WDFY3: variants seen among roughly 807,000 people sequenced by gnomAD.
WDFY3 encodes the protein WD repeat and FYVE domain containing 3, also known as WD repeat and FYVE domain-containing protein 3.
Under a neutral mutation model 409.6 loss-of-function variants are expected in WDFY3, and 66 were observed. The ratio of observed to expected loss-of-function variants is 0.16; its 90% CI spans 0.13 to 0.20. The LOEUF is 0.20. WDFY3 is among the 10% of genes least tolerant of loss of function. WDFY3 has a pLI of 1.00. For synonymous variants in WDFY3, 1,521 were observed against 1,537.1 expected (o/e 0.99, Z 0.25); for missense variants, 3,031 against 4,298.1 (o/e 0.71, Z 8.24).
chr4:84,779,515 C>A (rs1047317220), intron 26 of WDFY3, among the ~76,000 whole-genome samples: 11 of 151,876 alleles, frequency 7.2e-5, no homozygotes, highest in African/African-American at 2.7e-4. Context: ...CAGGTTCAAG[C>A]GATTCTCCTG....
chr4:84,712,719 CA>C (rs1407112248), intron 51 of WDFY3, among the ~76,000 whole-genome samples: 2 of 151,590 alleles, frequency 1.3e-5, no homozygotes, highest in East Asian at 3.9e-4. Flanking sequence ...CATCTCTTAA[CA>C]ATAATTAAAA....
chr4:84,957,198 G>C (rs1579288416), intron 1 of WDFY3, among the ~76,000 whole-genome samples: 1 of 147,554 alleles, frequency 6.8e-6, no homozygotes, highest in Admixed American at 6.8e-5. Context: ...AGTTTAGTTG[G>C]TCAAAATATA....
rs1750610736 is a variant in WDFY3 at position 84,801,768 on chromosome 4, C to T, written c.2704G>A (p.Ala902Thr). ...GCACTGCACCTCTGCAGCAGTCGTG[C>T]ATGAAGACCAGCTTCACACATGACT... ...QQVMCEAGLH[A>T]RLLQRCSAAL... Residue 902 changes from alanine (A) to threonine (T), a missense_variant, in exon 17 of 68, where the codon GCA (alanine) becomes ACA (threonine). Coordinates refer to ENST00000295888, the MANE Select transcript of WDFY3 (RefSeq NM_014991.6). 3 of 1,614,098 alleles carry T rather than the reference C, an allele frequency of 1.9e-6. No homozygotes were observed. In the East Asian group the frequency reaches 6.7e-5, roughly 36 times the overall value.
At chr4:84,938,025 G>A (rs1188992822) in intron 1 of WDFY3, among the ~76,000 whole-genome samples, 2 of 151,992 alleles carry the variant, frequency 1.3e-5, no homozygotes, top group African/African-American at 4.8e-5. Flanking sequence ...AGTAAAATAA[G>A]GGTTATTTGG....
intron 18 of WDFY3, 124 bp from the exon 19 acceptor site, chr4:84,796,876 G>C: frequency 1.4e-6 from 1 of 723,084 alleles, no homozygotes; most frequent in South Asian, 2.0e-5. Flanking sequence ...TAAGTGCCAA[G>C]ATCATTATCC....
At chr4:84,871,717 C>G (rs1162519714) in intron 3 of WDFY3, among the ~76,000 whole-genome samples, 4 of 151,958 alleles carry the variant, frequency 2.6e-5, no homozygotes, top group Non-Finnish European at 5.9e-5. Context: ...CCACTGCAGC[C>G]TCAAACTCCC....
At chr4:84,775,519 GA>G (rs1253978059) in intron 27 of WDFY3, among the ~76,000 whole-genome samples, 1 of 150,904 alleles carries the variant, frequency 6.6e-6, no homozygotes, top group African/African-American at 2.4e-5. Flanking sequence ...AGATACTTCC[GA>G]AAAAAAATTC....
intron 12 of WDFY3, 30 bp downstream of exon 12, chr4:84,820,055 A>T: frequency 6.4e-7 from 1 of 1,564,248 alleles, no homozygotes; most frequent in Non-Finnish European, 8.7e-7. Context: ...GTAATCTCCC[A>T]AAGTATTTGC....
intron 44 of WDFY3, among the ~76,000 whole-genome samples, chr4:84,730,705 C>A (rs997510390): frequency 6.6e-6 from 1 of 152,018 alleles, no homozygotes; most frequent in Admixed American, 6.6e-5. Flanking sequence ...AATCTTTTTG[C>A]TTCCTAGGCC....
intron 1 of WDFY3, among the ~76,000 whole-genome samples, chr4:84,955,425 T>C (rs902904032): frequency 5.3e-5 from 8 of 152,206 alleles, no homozygotes; most frequent in Non-Finnish European, 1.2e-4. Flanking sequence ...AAACATACCC[T>C]GGGCCTGCTG....
intron 1 of WDFY3, among the ~76,000 whole-genome samples, chr4:84,964,953 T>C (rs961672624): frequency 6.6e-6 from 1 of 152,236 alleles, no homozygotes; most frequent in Non-Finnish European, 1.5e-5. Flanking sequence ...TCAAATATCA[T>C]AGGAAGAGTT....
chr4:84,957,091 T>C (rs1349696942), intron 1 of WDFY3, among the ~76,000 whole-genome samples: 1 of 151,576 alleles, frequency 6.6e-6, no homozygotes, highest in Admixed American at 6.6e-5. Context: ...GACCACTTTA[T>C]AGAGATATAA....
chr4:84,930,346 T>C (rs1308524232), intron 2 of WDFY3, among the ~76,000 whole-genome samples: 1 of 152,176 alleles, frequency 6.6e-6, no homozygotes, highest in African/African-American at 2.4e-5. Context: ...TCTGCAGTCA[T>C]ATAATCTAAT....
At chr4:84,804,786 T>A (rs928863233) in intron 15 of WDFY3, among the ~76,000 whole-genome samples, 7 of 152,208 alleles carry the variant, frequency 4.6e-5, no homozygotes, top group African/African-American at 1.2e-4. Context: ...TTTCATTGCA[T>A]ATACACACAT....
intron 19 of WDFY3, among the ~76,000 whole-genome samples, 180 bp downstream of exon 19, chr4:84,796,341 A>T: frequency 1.3e-5 from 2 of 152,300 alleles, no homozygotes; most frequent in East Asian, 1.9e-4. Context: ...TTTGTATAAC[A>T]AACAAAAATA....
chr4:84,684,001 A>G lies in WDFY3; in HGVS notation c.9668T>C (p.Met3223Thr), dbSNP rs772474702. 1 of 1,613,400 alleles carries G rather than the reference A, an allele frequency of 6.2e-7. No individual in the cohort carries two copies. Among genetic ancestry groups the G allele is most frequent in the South Asian group, 1.1e-5 (1 of 91,036 alleles). Residue 3223 changes from methionine to threonine, a missense_variant, in exon 63 of 68, where the codon ATG becomes ACG. By Grantham distance (81) the Met-to-Thr change is moderately conservative. Coordinates refer to ENST00000295888, the MANE Select transcript of WDFY3 (RefSeq NM_014991.6). ...QQIICCCMSE[M>T]NEWDTQNVIV... ...GACGTTCTGCGTGTCCCATTCGTTC[A>G]TCTCCGACATGCAGCAGCAGATGAT...
In WDFY3 at chr4:84,743,750, T is replaced by C. The variant is rs1738851746; in HGVS notation, c.6023A>G (p.Tyr2008Cys). The part of the protein sequence containing the change: ...TRTQQKEFQT[Y>C]ILDSVMDHLL... Reference sequence around the variant, plus strand: ...ATGGTCCATCACGCTATCCAAAATGTAAGTTTGAAATTCTTTTTGCTGAGT... The same window carrying C: ...ATGGTCCATCACGCTATCCAAAATGCAAGTTTGAAATTCTTTTTGCTGAGT... Residue 2008 changes from tyrosine to cysteine, a missense_variant, in exon 37 of 68, where the codon TAC (tyrosine) becomes TGC (cysteine). Tyr to Cys is a radical substitution (Grantham distance 194). This residue lies in a region of WDFY3 where 314 missense variants were observed against 397.4 expected (regional missense o/e 0.79). Coordinates refer to ENST00000295888, the MANE Select transcript of WDFY3 (RefSeq NM_014991.6). 6.3e-7 allele frequency: 1 copy of C among 1,597,902 alleles called. No individual in the cohort carries two copies.
chr4:84,780,182 C>T lies in WDFY3; in HGVS notation c.4291G>A (p.Val1431Ile). The change falls in exon 26 of 68, where the codon GTC (valine) becomes ATC (isoleucine). Residue 1431 changes from valine (V) to isoleucine (I), a missense_variant. By Grantham distance (29) the Val-to-Ile change is conservative. Coordinates refer to ENST00000295888, the MANE Select transcript of WDFY3 (RefSeq NM_014991.6). ...ASDVEGLYAA[V>I]KALVCVVKSN... ...TTGACCACACAAACCAGGGCCTTGA[C>T]TGCTGCATATAACCCTTCCACATCA... is the stretch of plus-strand genomic sequence containing the variant. 6.2e-7 allele frequency: 1 copy of T among 1,613,744 alleles called. No homozygotes were observed. The highest frequency in any genetic ancestry group is 8.5e-7 in the Non-Finnish European group (1 of 1,179,842).
intron 44 of WDFY3, among the ~76,000 whole-genome samples, chr4:84,727,256 C>A (rs1735808801): frequency 6.6e-6 from 1 of 151,470 alleles, no homozygotes; most frequent in South Asian, 2.1e-4. Context: ...AAACAAAAAA[C>A]AAAAAACCTG....
Sources: gnomAD v4.1 joint callset for allele counts (sites outside exome capture counted in the v4.1 genomes callset) on GRCh38, gnomAD v4.1.1 for gene constraint, gnomAD v4.1.1 regional missense constraint, MANE v1.5 for transcripts, NCBI Gene and HGNC (gene_info 2026-07-23, HGNC 2026-07-21) for gene names.